The following WIPI2 variants were observed in gnomAD, a reference collection of about 807,000 sequenced individuals.
WIPI2 encodes WD repeat domain phosphoinositide-interacting protein 2.
WIPI2 carries 28 observed loss-of-function variants against 52.3 expected under a neutral mutation model. That is an observed-to-expected ratio of 0.54 (90% CI 0.40 to 0.73). WIPI2 has a LOEUF of 0.73. WIPI2 is among the 30% of genes least tolerant of loss of function. WIPI2 has a pLI of 0.00. For synonymous variants in WIPI2, 268 were observed against 245.0 expected (o/e 1.09, Z -0.88); for missense variants, 506 against 602.9 (o/e 0.84, Z 1.68).
chr7:5,214,648 G>C lies in WIPI2; in HGVS notation c.325G>C (p.Glu109Gln), dbSNP rs1460913773. 1.2e-6 allele frequency: 2 copies of C among 1,614,126 alleles called. No individual in the cohort carries two copies. The highest frequency in any genetic ancestry group is 1.7e-6 in the Non-Finnish European group (2 of 1,180,054). ...GGTTTGCCACTTTAAGAAGGGAACTGAGATCTGCAACTACAGCTACTCCAA... is the reference window on the plus strand; with the variant it reads ...GGTTTGCCACTTTAAGAAGGGAACTCAGATCTGCAACTACAGCTACTCCAA... ...LKVCHFKKGT[E>Q]ICNYSYSNTI... Residue 109 changes from glutamate (E) to glutamine (Q), a missense_variant, in exon 4 of 13, where the codon GAG (glutamate) becomes CAG (glutamine). By Grantham distance (29) the Glu-to-Gln change is conservative. Transcript: ENST00000288828.
In WIPI2 at chr7:5,225,554, C is replaced by A. The variant is rs546574234; in HGVS notation, c.741-269C>A. ...TTTACTCACCTTAGGACTATAAATC[C>A]ATCCTACTTCAGCTAAAAGTGGTTT... is the stretch of plus-strand genomic sequence containing the variant. On this transcript the variant is annotated intron_variant, in intron 8 of 12. Transcript: ENST00000288828. Among the ~76,000 whole-genome samples the A allele has an allele frequency of 2.4e-3, 362 of 152,302 alleles. 2 individuals carry two copies. Among genetic ancestry groups the A allele is most frequent in the African/African-American group, 8.5e-3 (353 of 41,550 alleles).
At chr7:5,219,307 G>C (rs4236379) in intron 7 of WIPI2, among the ~76,000 whole-genome samples, 2 of 152,200 alleles carry the variant, frequency 1.3e-5, no homozygotes, top group Admixed American at 6.5e-5. Context: ...TATCCCAATA[G>C]CACCTTGTCC....
intron 11 of WIPI2, 139 bp downstream of exon 11, chr7:5,228,350 A>C (rs1168842229): frequency 2.5e-6 from 2 of 798,676 alleles, no homozygotes; most frequent in Non-Finnish European, 3.7e-6. Flanking sequence ...CATGCCGCGC[A>C]GGTCGGGAGC....
At chr7:5,213,248 A>C (rs1334316626) in intron 3 of WIPI2, 1 of 152,240 alleles carries the variant, frequency 6.6e-6, no homozygotes, top group Non-Finnish European at 1.5e-5. Flanking sequence ...CTTTTGAATG[A>C]AGGTCGCTTG....
At chr7:5,203,544 G>C (rs1242311355) in intron 3 of WIPI2, among the ~76,000 whole-genome samples, 1 of 152,044 alleles carries the variant, frequency 6.6e-6, no homozygotes, top group Non-Finnish European at 1.5e-5. Context: ...AGAAAGTGTG[G>C]CTGAGGCCAC....
At chr7:5,206,960 G>A (rs1047693732) in intron 3 of WIPI2, among the ~76,000 whole-genome samples, 2 of 152,022 alleles carry the variant, frequency 1.3e-5, no homozygotes, top group African/African-American at 4.8e-5. Context: ...CGATTTTTTT[G>A]TAGGGACACG....
rs1783754074 is a variant in WIPI2 at position 5,232,138 on chromosome 7, T to A, written c.*1191T>A. ...AGTGTCGAGGGCATTTAAGTGGCAT[T>A]AATGGCAGGAGAGATGGTTTTAGAA... On this transcript the variant is annotated 3_prime_UTR_variant, in exon 13 of 13. Coordinates refer to ENST00000288828, the MANE Select transcript of WIPI2 (RefSeq NM_015610.4). 2 of 398,956 alleles carry A rather than the reference T, an allele frequency of 5.0e-6. No homozygotes were observed. The highest frequency in any genetic ancestry group is 7.1e-5 in the East Asian group (2 of 28,084). 24.7% of individuals were successfully genotyped at this position (398,956 alleles called of 1,614,324 possible). A position where few individuals can be genotyped will look rare whatever the true frequency, so the allele number is the denominator to read the frequency against.
intron 4 of WIPI2, among the ~76,000 whole-genome samples, chr7:5,215,082 G>A (rs998962072): frequency 5.3e-5 from 8 of 152,192 alleles, no homozygotes; most frequent in Non-Finnish European, 1.0e-4. Context: ...AGGCCGAGGC[G>A]GGCAGATTGC....
rs117249383 is a variant in WIPI2, at chr7:5,222,777, G to A, written c.740+105G>A. On this transcript the variant is annotated intron_variant, in intron 8 of 12. Coordinates refer to ENST00000288828, the MANE Select transcript of WIPI2 (RefSeq NM_015610.4). ...TAGAACCCCCAGGAGAATTCCACAC[G>A]AGCATTTCTAGCCCGGCTGGGTCAC... 4.2e-5 allele frequency: 49 copies of A among 1,155,436 alleles called. No homozygotes were observed. The East Asian group carries it at 9.1e-4, about 21-fold the overall frequency. The allele number at this position is 1,155,436 out of a possible 1,614,324, so 71.6% of individuals were successfully genotyped here.
chr7:5,193,391 G>A (rs560084924), intron 2 of WIPI2: 2 of 1,290,452 alleles, frequency 1.5e-6, no homozygotes, highest in African/African-American at 3.0e-5. Context: ...GTCTAAAAGG[G>A]ATGGAATGAA....
At chr7:5,214,778 G>A (rs147404604) in intron 4 of WIPI2, 74 bp downstream of exon 4, 40 of 1,535,982 alleles carry the variant, frequency 2.6e-5, no homozygotes, top group South Asian at 1.9e-4. Context: ...CCACCCCACC[G>A]GCATGCCCCT....
chr7:5,217,001 C>G, intron 5 of WIPI2, 89 bp from the exon 6 acceptor site: 1 of 1,319,830 alleles, frequency 7.6e-7, no homozygotes, highest in Non-Finnish European at 1.1e-6. Flanking sequence ...TCCTAATGCT[C>G]TGTTAAATGA....
chr7:5,220,599 T>C (rs1783070301), intron 7 of WIPI2, among the ~76,000 whole-genome samples: 1 of 151,832 alleles, frequency 6.6e-6, no homozygotes, highest in Non-Finnish European at 1.5e-5. Flanking sequence ...TCACTGCAGC[T>C]TCCACTCCTG....
At chr7:5,220,328 T>C (rs6970161) in intron 7 of WIPI2, among the ~76,000 whole-genome samples, 141,434 of 150,994 alleles carry the variant, frequency 0.94, 66,274 homozygotes, top group East Asian at 0.96. Context: ...CCACAACCTC[T>C]GCCTCCCAGG....
intron 11 of WIPI2, among the ~76,000 whole-genome samples, chr7:5,229,082 C>G (rs1429646852): frequency 6.6e-6 from 1 of 152,180 alleles, no homozygotes; most frequent in African/African-American, 2.4e-5. Context: ...GTGGCGCGAT[C>G]TCGGCTCACT....
At chr7:5,226,606 C>A (rs552928063) in intron 9 of WIPI2, 1 of 152,842 alleles carries the variant, frequency 6.5e-6, no homozygotes, top group Non-Finnish European at 1.5e-5. Flanking sequence ...GCCGGTGAGC[C>A]ACCGCGCCCA....
intron 8 of WIPI2, 193 bp downstream of exon 8, chr7:5,222,865 T>C (rs1783212059): frequency 3.6e-6 from 2 of 557,800 alleles, no homozygotes; most frequent in Non-Finnish European, 6.4e-6. Context: ...AAAAGCAAAT[T>C]GGGTTTTTGT....
rs1783667625 is a variant in WIPI2, at chr7:5,230,250, T to C, written c.1252+512T>C. Reference sequence around the variant, plus strand: ...CGTCCTTCAGCAAATCTGCATCGAGTACTGCCTTCATGCTGGGCCTGTGAA... The same window carrying C: ...CGTCCTTCAGCAAATCTGCATCGAGCACTGCCTTCATGCTGGGCCTGTGAA... On this transcript the variant is annotated intron_variant, in intron 12 of 12. Coordinates refer to ENST00000288828, the MANE Select transcript of WIPI2 (RefSeq NM_015610.4). This position sits in a 1 kb window ranked among gnomAD's most constrained non-coding sequence, Gnocchi z 4.8. Among the ~76,000 whole-genome samples the C allele has an allele frequency of 6.6e-6, 1 of 152,172 alleles. No individual in the cohort carries two copies. Among genetic ancestry groups the C allele is most frequent in the African/African-American group, 2.4e-5 (1 of 41,450 alleles).
At chr7:5,203,111 C>A (rs1210541485) in intron 3 of WIPI2, among the ~76,000 whole-genome samples, 4 of 152,194 alleles carry the variant, frequency 2.6e-5, no homozygotes, top group African/African-American at 9.7e-5. Context: ...CTTTTATCAA[C>A]CTTCCTGCTT....
Sources: allele counts gnomAD v4.1 joint callset (sites outside exome capture counted in the v4.1 genomes callset), GRCh38; gene constraint gnomAD v4.1.1; non-coding constraint Gnocchi (gnomAD v3.1); transcripts MANE v1.5; gene names NCBI Gene and HGNC (gene_info 2026-07-23, HGNC 2026-07-21).